The following CDH20 variants were observed in gnomAD, a reference collection of about 807,000 sequenced individuals.
The protein encoded by CDH20 is cadherin-20.
A neutral mutation model predicts 74.2 loss-of-function variants in CDH20; 29 were observed. That is an observed-to-expected ratio of 0.39 (90% CI 0.29 to 0.53). The LOEUF (loss-of-function observed/expected upper bound fraction) is 0.53, where lower values mean the gene tolerates loss of function less well. CDH20 is among the 20% of genes least tolerant of loss of function. CDH20 has a pLI of 0.69. For missense variants in CDH20, 988 were observed against 1,048.3 expected, an observed-to-expected ratio of 0.94 and a Z score of 0.79; for synonymous variants, 469 against 405.4, an observed-to-expected ratio of 1.16 and a Z score of -1.88.
chr18:61,530,863 CA>C (rs1230211494), intron 7 of CDH20, among the ~76,000 whole-genome samples: 1 of 152,130 alleles, frequency 6.6e-6, no homozygotes, highest in Non-Finnish European at 1.5e-5. Context: ...CCTGACACCC[CA>C]CCTCCAAATT....
chr18:61,347,327 C>T (rs1024368302), intron 1 of CDH20, among the ~76,000 whole-genome samples: 1,742 of 122,248 alleles, frequency 0.014, 29 homozygotes, highest in African/African-American at 0.044. Flanking sequence ...TATACACACA[C>T]ACACACACAC....
chr18:61,360,709 G>A (rs1014788068), intron 1 of CDH20, among the ~76,000 whole-genome samples: 1 of 152,184 alleles, frequency 6.6e-6, no homozygotes, highest in Admixed American at 6.5e-5. Flanking sequence ...ATAGTCCAGG[G>A]AGAAGGAACA....
intron 1 of CDH20, among the ~76,000 whole-genome samples, chr18:61,395,982 A>G (rs1287311623): frequency 6.6e-6 from 1 of 152,068 alleles, no homozygotes; most frequent in East Asian, 1.9e-4. Context: ...CTTGCAGTGA[A>G]GTGAAGATTG....
chr18:61,512,015 C>G (rs1322656394), intron 6 of CDH20, among the ~76,000 whole-genome samples: 1 of 152,316 alleles, frequency 6.6e-6, no homozygotes, highest in Non-Finnish European at 1.5e-5. Flanking sequence ...CTGCTCCACG[C>G]CCATCTTCCC....
intron 1 of CDH20, among the ~76,000 whole-genome samples, chr18:61,474,644 T>C (rs183776671): frequency 1.1e-4 from 17 of 152,328 alleles, no homozygotes; most frequent in African/African-American, 3.6e-4. Flanking sequence ...TTTATTTAAA[T>C]AATTCAACTC....
Position 61,555,585 on chromosome 18 carries a change from G to C in CDH20, c.*890G>C, listed in dbSNP as rs927335538. The stretch of plus-strand genomic sequence containing the variant: ...GTTAGAGGGCTTTCCTAATCTGTGT[G>C]AGGTCAATCCAAGGGATGTTTACAT... On this transcript the variant is annotated 3_prime_UTR_variant, in exon 12 of 12. Transcript: ENST00000262717. The C allele has an allele frequency of 3.5e-5, 34 of 985,172 alleles. No individual in the cohort carries two copies. The highest frequency in any genetic ancestry group is 5.2e-4 in the Middle Eastern group (1 of 1,912). The allele number at this position is 985,172 out of a possible 1,614,324, so 61.0% of individuals were successfully genotyped here.
intron 1 of CDH20, among the ~76,000 whole-genome samples, chr18:61,337,733 C>T (rs1479296946): frequency 2.0e-5 from 3 of 152,166 alleles, no homozygotes; most frequent in African/African-American, 7.2e-5. Flanking sequence ...GAAATGACTA[C>T]TGCAAATGAA....
rs200312633 is a variant in CDH20, at chr18:61,554,248, C to T, written c.1959C>T (p.Asp653=). 1.9e-6 allele frequency: 3 copies of T among 1,614,004 alleles called. No homozygotes were observed. The highest frequency in any genetic ancestry group is 2.2e-5 in the East Asian group (1 of 44,866). The change falls in exon 12 of 12, where the codon GAC becomes GAT. Residue 653 remains aspartate (D), a synonymous_variant. Coordinates refer to ENST00000262717, the MANE Select transcript of CDH20 (RefSeq NM_031891.4). ...ACCGGAAACAACCATACATCATCGA[C>T]GACGAGGAAAACATCCACGAGAACA... ...RRHRKQPYII[D]DEENIHENIV...
chr18:61,506,490 G>A lies in CDH20; in HGVS notation c.830-883G>A, dbSNP rs116062611. ...CTTACAAAGCATATTAGAATAAAAG[G>A]GAACACGTACATATTGAAAATGTGA... On this transcript the variant is annotated intron_variant, in intron 5 of 11. Transcript: ENST00000262717. 4.4e-3 allele frequency among the ~76,000 whole-genome samples: 672 copies of A among 152,236 alleles called. 5 individuals are homozygous for A. Among genetic ancestry groups the A allele is most frequent in the African/African-American group, 0.015 (625 of 41,530 alleles).
intron 1 of CDH20, among the ~76,000 whole-genome samples, chr18:61,483,532 G>A (rs1877721028): frequency 1.3e-5 from 2 of 152,148 alleles, no homozygotes; most frequent in South Asian, 4.1e-4. Context: ...TACCTCTGCT[G>A]TTATTGCTTC....
intron 11 of CDH20, among the ~76,000 whole-genome samples, chr18:61,553,898 GTA>G (rs1412718977): frequency 6.6e-6 from 1 of 152,198 alleles, no homozygotes; most frequent in African/African-American, 2.4e-5. Flanking sequence ...GGTGTTAGGT[GTA>G]GACACACAAT....
At chr18:61,419,749 C>T (rs545047816) in intron 1 of CDH20, among the ~76,000 whole-genome samples, 45 of 152,154 alleles carry the variant, frequency 3.0e-4, no homozygotes, top group Middle Eastern at 3.4e-3. Flanking sequence ...CCCAGAGATA[C>T]TTCAATTTAT....
chr18:61,432,069 AC>A (rs1215136119), intron 1 of CDH20, among the ~76,000 whole-genome samples: 1 of 151,598 alleles, frequency 6.6e-6, no homozygotes, highest in Non-Finnish European at 1.5e-5. Flanking sequence ...ACATGGTGAA[AC>A]CCCATCTCTA....
At chr18:61,414,256 T>C (rs1008839830) in intron 1 of CDH20, among the ~76,000 whole-genome samples, 14 of 152,080 alleles carry the variant, frequency 9.2e-5, no homozygotes, top group Non-Finnish European at 1.6e-4. Flanking sequence ...GGGTCTTGGA[T>C]ACTGAATATT....
In CDH20 at chr18:61,353,704, T is replaced by C. The variant is rs1442537695; in HGVS notation, c.-153+19877T>C. ...AAACCCACTGAGATCACTCTTGATC[T>C]TGGCCTGCACTAGCCAATACAGCAG... is the stretch of plus-strand genomic sequence containing the variant. On this transcript the variant is annotated intron_variant, in intron 1 of 11. Coordinates refer to ENST00000262717, the MANE Select transcript of CDH20 (RefSeq NM_031891.4). The surrounding 1 kb of genome is among the most constrained non-coding windows in gnomAD (Gnocchi z 4.6). Among the ~76,000 whole-genome samples the C allele has an allele frequency of 6.6e-6, 1 of 152,222 alleles. No individual in the cohort carries two copies. Among genetic ancestry groups the C allele is most frequent in the African/African-American group, 2.4e-5 (1 of 41,458 alleles).
At chr18:61,420,205 T>C (rs1276301566) in intron 1 of CDH20, among the ~76,000 whole-genome samples, 2 of 152,220 alleles carry the variant, frequency 1.3e-5, no homozygotes, top group Non-Finnish European at 2.9e-5. Flanking sequence ...GTTTGCATTA[T>C]TCCTTTTAAT....
intron 1 of CDH20, among the ~76,000 whole-genome samples, chr18:61,422,574 A>AT (rs1177685037): frequency 4.6e-5 from 7 of 152,162 alleles, no homozygotes; most frequent in African/African-American, 9.6e-5. Flanking sequence ...TGCACATTAC[A>AT]TTTTTTAAAA....
intron 1 of CDH20, among the ~76,000 whole-genome samples, chr18:61,369,968 G>C (rs1422396579): frequency 6.6e-6 from 1 of 152,016 alleles, no homozygotes; most frequent in Non-Finnish European, 1.5e-5. Flanking sequence ...TGGGTACCAG[G>C]CTTAATACTT....
At chr18:61,416,690 C>T (rs1912696373) in intron 1 of CDH20, among the ~76,000 whole-genome samples, 1 of 152,208 alleles carries the variant, frequency 6.6e-6, no homozygotes, top group South Asian at 2.1e-4. Flanking sequence ...TTCTGCTTAT[C>T]TCACTGGCCA....
Sources: allele counts gnomAD v4.1 joint callset (sites outside exome capture counted in the v4.1 genomes callset), GRCh38; gene constraint gnomAD v4.1.1; non-coding constraint Gnocchi (gnomAD v3.1); transcripts MANE v1.5; gene names NCBI Gene and HGNC (gene_info 2026-07-23, HGNC 2026-07-21).